The following HTT variants were observed in gnomAD, a reference collection of about 807,000 sequenced individuals.
The protein encoded by HTT is huntingtin.
A neutral mutation model predicts 362.3 loss-of-function variants in HTT; 104 were observed. That is an observed-to-expected ratio of 0.29 (90% CI 0.24 to 0.34). HTT has a LOEUF of 0.34. HTT is among the 10% of genes least tolerant of loss of function. HTT has a pLI of 1.00. For missense variants in HTT, 3,301 were observed against 3,928.6 expected (o/e 0.84, Z 4.27); for synonymous variants, 1,577 against 1,548.7 (o/e 1.02, Z -0.43).
At chr4:3,143,436 C>CAAAAA (rs1056047426) in intron 23 of HTT, among the ~76,000 whole-genome samples, 12 of 69,378 alleles carry the variant, frequency 1.7e-4, no homozygotes, top group African/African-American at 2.3e-4. Flanking sequence ...GACTCTGTCT[C>CAAAAA]AAAAAAAAAA....
At chr4:3,126,181 T>C (rs1715512038) in intron 11 of HTT, among the ~76,000 whole-genome samples, 1 of 152,108 alleles carries the variant, frequency 6.6e-6, no homozygotes, top group South Asian at 2.1e-4. Flanking sequence ...GCCTCCCAAG[T>C]AGCTGGGACT....
intron 26 of HTT, among the ~76,000 whole-genome samples, chr4:3,153,916 A>G (rs905801028): frequency 6.6e-6 from 1 of 152,166 alleles, no homozygotes; most frequent in Non-Finnish European, 1.5e-5. Flanking sequence ...CCCTGTCTCA[A>G]AAAAGAAAAA....
intron 29 of HTT, among the ~76,000 whole-genome samples, chr4:3,163,355 G>A (rs188148296): frequency 1.5e-3 from 223 of 152,242 alleles, no homozygotes; most frequent in South Asian, 2.9e-3. Flanking sequence ...TTTTCACATC[G>A]ATGTTCATCA....
Position 3,230,038 on chromosome 4 carries a change from G to A in HTT, c.8261G>A (p.Gly2754Glu), listed in dbSNP as rs1721176120. ...PATCKAAAVL[G>E]MDKAVAEPVS... ...ACCTGCAAGGCAGCTGCCGTCCTTG[G>A]GATGGTAAGTGACAGGTGGCACAGA... Residue 2754 changes from glycine (G) to glutamate (E), a missense_variant, in exon 60 of 67, where the codon GGG (glycine) becomes GAG (glutamate). Physicochemically the swap from Gly to Glu is moderately conservative, Grantham distance 98. Coordinates refer to ENST00000355072, the MANE Select transcript of HTT (RefSeq NM_001388492.1). The A allele has an allele frequency of 6.2e-7, 1 of 1,613,738 alleles. No homozygotes were observed. The highest frequency in any genetic ancestry group is 8.5e-7 in the Non-Finnish European group (1 of 1,179,788).
chr4:3,208,661 T>C, intron 45 of HTT, 112 bp from the exon 46 acceptor site: 3 of 989,768 alleles, frequency 3.0e-6, no homozygotes, highest in Non-Finnish European at 4.3e-6. Context: ...CCACTAATAG[T>C]GCATCTCCTT....
In HTT at chr4:3,230,009, T is replaced by G. The variant is rs1312250294; in HGVS notation, c.8232T>G (p.Pro2744=). 6.2e-7 allele frequency: 1 copy of G among 1,613,964 alleles called. No individual in the cohort carries two copies. Among genetic ancestry groups the G allele is most frequent in the African/African-American group, 1.3e-5 (1 of 74,924 alleles). The part of the protein sequence containing the change: ...EDEILAQYLV[P]ATCKAAAVLG... ...AGATCCTCGCTCAGTACCTGGTGCC[T>G]GCCACCTGCAAGGCAGCTGCCGTCC... Residue 2744 remains proline, a synonymous_variant, in exon 60 of 67, where the codon CCT becomes CCG. Coordinates refer to ENST00000355072, the MANE Select transcript of HTT (RefSeq NM_001388492.1).
intron 29 of HTT, among the ~76,000 whole-genome samples, chr4:3,164,095 A>G (rs929322440): frequency 6.6e-6 from 1 of 152,124 alleles, no homozygotes; most frequent in Non-Finnish European, 1.5e-5. Context: ...ACACTGCTTT[A>G]AATGTGTCCC....
intron 2 of HTT, among the ~76,000 whole-genome samples, chr4:3,098,494 T>C (rs1385836500): frequency 2.0e-5 from 3 of 152,244 alleles, no homozygotes; most frequent in Non-Finnish European, 2.9e-5. Context: ...AAGAACATCC[T>C]TGTGTTACTG....
chr4:3,174,391 C>T lies in HTT; in HGVS notation c.4167-330C>T, dbSNP rs549601261. Among the ~76,000 whole-genome samples, 31 of 152,326 alleles carry T rather than the reference C, an allele frequency of 2.0e-4. No homozygotes were observed. The South Asian group carries it at 6.0e-3, about 29-fold the overall frequency. ...ATGTAATTTCTTCTAAATTACTGAT[C>T]TTTTAAATGACCTTCACCTTTCTCT... On this transcript the variant is annotated intron_variant, in intron 31 of 66. Coordinates refer to ENST00000355072, the MANE Select transcript of HTT (RefSeq NM_001388492.1).
chr4:3,103,718 A>G (rs1379331684), intron 3 of HTT, 106 bp from the exon 4 acceptor site: 6 of 704,186 alleles, frequency 8.5e-6, no homozygotes, highest in African/African-American at 3.6e-5. Context: ...TTTAGTTGCT[A>G]TTATGTTTTG....
Position 3,127,670 on chromosome 4 carries a change from T to C in HTT, c.1743+66T>C. 4 of 1,226,302 alleles carry C rather than the reference T, an allele frequency of 3.3e-6. No homozygotes were observed. The South Asian group carries it at 4.2e-5, about 13-fold the overall frequency. 76.0% of individuals were successfully genotyped at this position (1,226,302 alleles called of 1,614,324 possible). ...TTATTTGAGACAGAGTCTCACTCCATAGTGCAGTGGAGGCCGGGCACAGGG... is the reference window on the plus strand; with the variant it reads ...TTATTTGAGACAGAGTCTCACTCCACAGTGCAGTGGAGGCCGGGCACAGGG... On this transcript the variant is annotated intron_variant, in intron 12 of 66. Transcript: ENST00000355072.
chr4:3,152,952 A>G (rs867380352), intron 26 of HTT, among the ~76,000 whole-genome samples: 11 of 151,298 alleles, frequency 7.3e-5, no homozygotes, highest in Admixed American at 4.6e-4. Context: ...TGCCCGGCTA[A>G]CCTTTCATTT....
Position 3,186,578 on chromosome 4 carries a change from G to A in HTT, c.4867-19G>A, listed in dbSNP as rs1718768006. On this transcript the variant is annotated intron_variant, in intron 37 of 66. Coordinates refer to ENST00000355072, the MANE Select transcript of HTT (RefSeq NM_001388492.1). ...TCTTTTGGCTTACGTAGAAATGTTT[G>A]TGGTGTCTAATTCCACAGATGCACA... is the stretch of plus-strand genomic sequence containing the variant. The A allele has an allele frequency of 1.3e-6, 2 of 1,483,532 alleles. No homozygotes were observed. Among genetic ancestry groups the A allele is most frequent in the African/African-American group, 2.8e-5 (2 of 70,904 alleles). 91.9% of individuals were successfully genotyped at this position (1,483,532 alleles called of 1,614,324 possible).
At chr4:3,167,130 G>T (rs528314814) in intron 29 of HTT, among the ~76,000 whole-genome samples, 1 of 152,200 alleles carries the variant, frequency 6.6e-6, no homozygotes, top group Non-Finnish European at 1.5e-5. Flanking sequence ...GACGTGCATC[G>T]GCACAATCTC....
intron 8 of HTT, among the ~76,000 whole-genome samples, chr4:3,118,328 G>T (rs1715131068): frequency 6.6e-6 from 1 of 152,120 alleles, no homozygotes; most frequent in Non-Finnish European, 1.5e-5. Flanking sequence ...GATCATAAAA[G>T]TTTAGAGATC....
At chr4:3,163,465 CT>C (rs1172913759) in intron 29 of HTT, among the ~76,000 whole-genome samples, 2 of 152,168 alleles carry the variant, frequency 1.3e-5, no homozygotes, top group Non-Finnish European at 2.9e-5. Flanking sequence ...AGGATTCTCT[CT>C]TTTTCTATTG....
intron 40 of HTT, 131 bp from the exon 41 acceptor site, chr4:3,199,601 G>A: frequency 1.4e-6 from 1 of 691,704 alleles, no homozygotes; most frequent in South Asian, 1.9e-5. Flanking sequence ...TTTTCTAAAT[G>A]CCAGGTGTTC....
intron 2 of HTT, among the ~76,000 whole-genome samples, chr4:3,097,370 G>C (rs1002195599): frequency 1.4e-4 from 21 of 152,228 alleles, no homozygotes; most frequent in African/African-American, 5.1e-4. Context: ...GGTGGTTCAC[G>C]CCTGTAATCC....
intron 22 of HTT, among the ~76,000 whole-genome samples, chr4:3,142,134 T>A (rs1195554540): frequency 5.9e-5 from 9 of 152,220 alleles, no homozygotes; most frequent in African/African-American, 2.2e-4. Context: ...GCGTGATAGA[T>A]ACAATGACCA....
Sources: allele counts gnomAD v4.1 joint callset (sites outside exome capture counted in the v4.1 genomes callset), GRCh38; gene constraint gnomAD v4.1.1; transcripts MANE v1.5; gene names NCBI Gene and HGNC (gene_info 2026-07-23, HGNC 2026-07-21).